Variants in KYNU observed in about 807,000 individuals in gnomAD.
KYNU encodes L-kynurenine hydrolase.
KYNU carries 54 observed loss-of-function variants against 59.2 expected under a neutral mutation model. That is an observed-to-expected ratio of 0.91 (90% CI 0.73 to 1.14). The LOEUF (loss-of-function observed/expected upper bound fraction) is 1.14. Among genes scored for constraint, KYNU ranks in the 50% most tolerant of loss-of-function variants. The pLI is 0.00. For synonymous variants in KYNU, 177 were observed against 192.0 expected (o/e 0.92, Z 0.65); for missense variants, 567 against 554.4 (o/e 1.02, Z -0.23).
chr2:142,896,322 G>A (rs1250033513), intron 2 of KYNU, among the ~76,000 whole-genome samples: 1 of 151,924 alleles, frequency 6.6e-6, no homozygotes, highest in Admixed American at 6.5e-5. Flanking sequence ...TTGTTGTTTT[G>A]TTTTTTAGTC....
chr2:142,886,942 G>A (rs541573766), intron 2 of KYNU, among the ~76,000 whole-genome samples: 2 of 152,148 alleles, frequency 1.3e-5, no homozygotes, highest in South Asian at 2.1e-4. Context: ...AGGCCGAGGC[G>A]GGCGGGTCAC....
intron 8 of KYNU, among the ~76,000 whole-genome samples, chr2:142,984,678 A>G (rs1432831174): frequency 2.0e-5 from 3 of 152,030 alleles, no homozygotes; most frequent in African/African-American, 7.2e-5. Context: ...ATGAAAATTG[A>G]TCATTTTTAC....
intron 13 of KYNU, among the ~76,000 whole-genome samples, chr2:143,041,248 T>C (rs1479188293): frequency 2.6e-5 from 4 of 151,962 alleles, no homozygotes; most frequent in African/African-American, 9.7e-5. Context: ...AAAAAGATAA[T>C]GTATCTACTT....
chr2:142,978,022 A>G (rs985717974), intron 8 of KYNU, among the ~76,000 whole-genome samples: 1 of 152,176 alleles, frequency 6.6e-6, no homozygotes, highest in African/African-American at 2.4e-5. Flanking sequence ...TGAGTTCTGG[A>G]AAGTTAAATG....
Position 143,045,950 on chromosome 2 carries a change from A to G in KYNU, c.*3778A>G, listed in dbSNP as rs1470475057. On this transcript the variant is annotated 3_prime_UTR_variant, in exon 14 of 14. Coordinates refer to ENST00000264170, the MANE Select transcript of KYNU (RefSeq NM_003937.3). ...AAATCATAATTTCTGAAGGGTATTA[A>G]TTAGATGTTTGAGTGAGGGGAAATA... is the stretch of plus-strand genomic sequence containing the variant. 6.6e-6 allele frequency: 1 copy of G among 152,206 alleles called. No individual in the cohort carries two copies. Among genetic ancestry groups the G allele is most frequent in the Non-Finnish European group, 1.5e-5 (1 of 68,030 alleles). The allele number at this position is 152,206 out of a possible 1,614,324, so 9.4% of individuals were successfully genotyped here.
chr2:142,918,829 T>C, intron 3 of KYNU, 100 bp downstream of exon 3: 1 of 1,331,610 alleles, frequency 7.5e-7, no homozygotes, highest in Non-Finnish European at 1.1e-6. Context: ...AATAGAATCC[T>C]AGTACAGTCA....
At chr2:143,027,216 T>A (rs943452604) in intron 10 of KYNU, among the ~76,000 whole-genome samples, 1 of 152,156 alleles carries the variant, frequency 6.6e-6, no homozygotes, top group Non-Finnish European at 1.5e-5. Flanking sequence ...TTTAGATAAA[T>A]TGGAAGGAGT....
At position 143,050,528 on chromosome 2, in the gene KYNU, T is replaced by G. The variant is rs1687247572; in HGVS notation, c.*8356T>G. Reference sequence around the variant, plus strand: ...ATTCCATGGTGTATATATACCACATTTTCTTCATCCAGTCATGCAAATTTA... The same window carrying G: ...ATTCCATGGTGTATATATACCACATGTTCTTCATCCAGTCATGCAAATTTA... On this transcript the variant is annotated 3_prime_UTR_variant, in exon 14 of 14. Transcript: ENST00000264170. The G allele has an allele frequency of 6.6e-6, 1 of 152,232 alleles. No homozygotes were observed. Among genetic ancestry groups the G allele is most frequent in the Non-Finnish European group, 1.5e-5 (1 of 68,050 alleles). The allele number at this position is 152,232 out of a possible 1,614,324, so 9.4% of individuals were successfully genotyped here.
In KYNU at chr2:143,049,934, G is replaced by A. The variant is rs1013416597; in HGVS notation, c.*7762G>A. 4 of 151,210 alleles carry A rather than the reference G, an allele frequency of 2.6e-5. No homozygotes were observed. Among genetic ancestry groups the A allele is most frequent in the African/African-American group, 9.7e-5 (4 of 41,236 alleles). 9.4% of individuals were successfully genotyped at this position (151,210 alleles called of 1,614,324 possible). ...TATGTTTGCTTCTGTCAGTTGCAGA[G>A]AATCAATGAGAAGAACACTTTAAAT... On this transcript the variant is annotated 3_prime_UTR_variant, in exon 14 of 14. Transcript: ENST00000264170.
intron 2 of KYNU, among the ~76,000 whole-genome samples, chr2:142,895,097 A>G (rs1681823913): frequency 6.6e-6 from 1 of 152,244 alleles, no homozygotes; most frequent in Non-Finnish European, 1.5e-5. Context: ...GAAGTATGAA[A>G]TAACTTGTTC....
In KYNU at chr2:142,980,288, G is replaced by A. The variant is rs371263933; in HGVS notation, c.730-4796G>A. Reference sequence around the variant, plus strand: ...TAATGAGCAGTGAGGATGACCAGAGGTCACTCTTGTCATCATCTTGGTTTT... The same window carrying A: ...TAATGAGCAGTGAGGATGACCAGAGATCACTCTTGTCATCATCTTGGTTTT... On this transcript the variant is annotated intron_variant, in intron 8 of 13. Transcript: ENST00000264170. 2.4e-3 allele frequency among the ~76,000 whole-genome samples: 353 copies of A among 148,642 alleles called. 2 individuals are homozygous for A. Among genetic ancestry groups the A allele is most frequent in the African/African-American group, 8.3e-3 (336 of 40,426 alleles).
intron 10 of KYNU, among the ~76,000 whole-genome samples, chr2:143,026,805 A>T (rs773479487): frequency 4.0e-4 from 61 of 152,170 alleles, no homozygotes; most frequent in Non-Finnish European, 6.9e-4. Context: ...GACTTTTCAC[A>T]TGAGGCGGCT....
At chr2:142,881,225 C>A (rs993429809) in intron 1 of KYNU, 1 of 152,162 alleles carries the variant, frequency 6.6e-6, no homozygotes, top group Non-Finnish European at 1.5e-5. Context: ...ATTGAAAGCA[C>A]CATCCATCAA....
chr2:143,024,763 A>AT (rs1045887898), intron 10 of KYNU, among the ~76,000 whole-genome samples: 1 of 152,006 alleles, frequency 6.6e-6, no homozygotes, highest in East Asian at 1.9e-4. Flanking sequence ...AGGATGTTGC[A>AT]TTTTTTCAAT....
Position 142,960,743 on chromosome 2 carries a change from T to A in KYNU, c.702T>A (p.Pro234=). 6.2e-7 allele frequency: 1 copy of A among 1,614,074 alleles called. No homozygotes were observed. Among genetic ancestry groups the A allele is most frequent in the South Asian group, 1.1e-5 (1 of 91,086 alleles). Residue 234 remains proline, a synonymous_variant, in exon 8 of 14, where the codon CCT becomes CCA. Coordinates refer to ENST00000264170, the MANE Select transcript of KYNU (RefSeq NM_003937.3). ...ACACTGGACAGCACTTTAATATTCC[T>A]GCCATCACAAAAGCTGGACAAGCGA... is the stretch of plus-strand genomic sequence containing the variant. The part of the protein sequence containing the change: ...HFYTGQHFNI[P]AITKAGQAKG...
At chr2:142,917,008 A>C (rs759917818) in intron 2 of KYNU, among the ~76,000 whole-genome samples, 36 of 152,228 alleles carry the variant, frequency 2.4e-4, no homozygotes, top group Admixed American at 9.2e-4. Flanking sequence ...TACCTACTTT[A>C]AAGAAAAATG....
At chr2:142,941,111 T>A (rs1683585248) in intron 4 of KYNU, among the ~76,000 whole-genome samples, 1 of 152,178 alleles carries the variant, frequency 6.6e-6, no homozygotes, top group Non-Finnish European at 1.5e-5. Context: ...GGTCAGTGGG[T>A]AGAGCTAAAA....
At chr2:142,996,350 G>A (rs1390174123) in intron 10 of KYNU, among the ~76,000 whole-genome samples, 1 of 152,068 alleles carries the variant, frequency 6.6e-6, no homozygotes, top group African/African-American at 2.4e-5. Flanking sequence ...TATGTTTACC[G>A]AACATTATGA....
At chr2:143,028,093 T>A (rs1686627553) in intron 10 of KYNU, among the ~76,000 whole-genome samples, 1 of 152,092 alleles carries the variant, frequency 6.6e-6, no homozygotes, top group African/African-American at 2.4e-5. Context: ...TATTTAGGGA[T>A]AATTGATCAG....
Sources: allele counts gnomAD v4.1 joint callset (sites outside exome capture counted in the v4.1 genomes callset), GRCh38; gene constraint gnomAD v4.1.1; transcripts MANE v1.5; gene names NCBI Gene and HGNC (gene_info 2026-07-23, HGNC 2026-07-21).